MICU2: variants seen among roughly 807,000 people sequenced by gnomAD.
The protein encoded by MICU2 is calcium uptake protein 2, mitochondrial.
In MICU2, 64 loss-of-function variants were observed where a neutral mutation model predicts 60.4. That is an observed-to-expected ratio of 1.06 (90% CI 0.87 to 1.31). The LOEUF is 1.31. Ranked by LOEUF, MICU2 falls within the 50% of genes most tolerant of loss-of-function variation. MICU2 has a pLI of 0.00. For synonymous variants in MICU2, 201 were observed against 175.0 expected (o/e 1.15, Z -1.17); for missense variants, 569 against 531.0 (o/e 1.07, Z -0.70).
chr13:21,597,344 T>C (rs974662797), intron 1 of MICU2, among the ~76,000 whole-genome samples: 14 of 152,240 alleles, frequency 9.2e-5, no homozygotes, highest in African/African-American at 2.9e-4. Flanking sequence ...TGGGATGACA[T>C]GTCTCTATGG....
chr13:21,496,147 T>C lies in MICU2; in HGVS notation c.947A>G (p.Asp316Gly). 1 of 1,612,700 alleles carries C rather than the reference T, an allele frequency of 6.2e-7. No homozygotes were observed. The change falls in exon 10 of 12, where the codon GAT becomes GGT. Residue 316 changes from aspartate to glycine, a missense_variant. Coordinates refer to ENST00000382374, the MANE Select transcript of MICU2 (RefSeq NM_152726.3). ...KLSAGESISL[D>G]EFKSFCHFTT... Reference sequence around the variant, plus strand: ...AAAATGGCAAAATGACTTGAATTCATCCAAACTAATGCTCTAATAAAGTAA... The same window carrying C: ...AAAATGGCAAAATGACTTGAATTCACCCAAACTAATGCTCTAATAAAGTAA...
chr13:21,546,787 A>C, intron 2 of MICU2, among the ~76,000 whole-genome samples: 1 of 152,194 alleles, frequency 6.6e-6, no homozygotes, highest in Non-Finnish European at 1.5e-5. Context: ...AGCATGATAC[A>C]TCTGAGATTG....
intron 11 of MICU2, among the ~76,000 whole-genome samples, chr13:21,494,606 G>T (rs1885944019): frequency 6.6e-6 from 1 of 152,184 alleles, no homozygotes; most frequent in Non-Finnish European, 1.5e-5. Flanking sequence ...GGCTTTGCAA[G>T]ATTAAGCAGT....
intron 8 of MICU2, among the ~76,000 whole-genome samples, chr13:21,508,944 T>C (rs1886361063): frequency 6.6e-6 from 1 of 152,216 alleles, no homozygotes; most frequent in African/African-American, 2.4e-5. Flanking sequence ...TGTATTTAAA[T>C]GTTTTTCTGC....
At chr13:21,579,861 T>C (rs1357774511) in intron 1 of MICU2, among the ~76,000 whole-genome samples, 1 of 152,200 alleles carries the variant, frequency 6.6e-6, no homozygotes, top group African/African-American at 2.4e-5. Context: ...GAGGATACTT[T>C]TAACAGTGAA....
At chr13:21,597,482 T>G (rs774585871) in intron 1 of MICU2, among the ~76,000 whole-genome samples, 1 of 152,214 alleles carries the variant, frequency 6.6e-6, no homozygotes, top group Non-Finnish European at 1.5e-5. Flanking sequence ...GGTCACTTTG[T>G]TATTTAATGC....
At chr13:21,590,040 T>C (rs1472928155) in intron 1 of MICU2, among the ~76,000 whole-genome samples, 34 of 152,194 alleles carry the variant, frequency 2.2e-4, no homozygotes, top group Non-Finnish European at 5.9e-5. Context: ...CAAAACTTTA[T>C]ATATAACACT....
chr13:21,566,878 A>G lies in MICU2; in HGVS notation c.277T>C (p.Phe93Leu). 6.2e-7 allele frequency: 1 copy of G among 1,613,338 alleles called. No individual in the cohort carries two copies. Among genetic ancestry groups the G allele is most frequent in the Non-Finnish European group, 8.5e-7 (1 of 1,179,676 alleles). Residue 93 changes from phenylalanine to leucine, a missense_variant, in exon 2 of 12, where the codon TTT becomes CTT. Physicochemically the swap from Phe to Leu is conservative, Grantham distance 22 (BLOSUM62 0). Coordinates refer to ENST00000382374, the MANE Select transcript of MICU2 (RefSeq NM_152726.3). ...PSLRKQRFMQ[F>L]SSLEHEGEYY... ...TCTCCTTCATGTTCGAGTGAAGAAAACTGCATGAAGCGCTGCTTACGAAGA... is the reference window on the plus strand; with the variant it reads ...TCTCCTTCATGTTCGAGTGAAGAAAGCTGCATGAAGCGCTGCTTACGAAGA...
chr13:21,517,811 GCGCA>G (rs1448803054), intron 6 of MICU2, among the ~76,000 whole-genome samples: 5 of 139,100 alleles, frequency 3.6e-5, no homozygotes, highest in Non-Finnish European at 3.2e-5. Context: ...GCGCGCGCGC[GCGCA>G]CACGCGCTAC....
At chr13:21,530,318 C>A (rs1481228668) in intron 4 of MICU2, among the ~76,000 whole-genome samples, 1 of 152,180 alleles carries the variant, frequency 6.6e-6, no homozygotes, top group Non-Finnish European at 1.5e-5. Flanking sequence ...CCTTCCCTCA[C>A]CCCTTCCCCT....
At chr13:21,546,458 T>C (rs557690774) in intron 2 of MICU2, among the ~76,000 whole-genome samples, 14 of 152,144 alleles carry the variant, frequency 9.2e-5, no homozygotes, top group Non-Finnish European at 1.9e-4. Flanking sequence ...TCTCCAAATA[T>C]GAGCTGCTTA....
chr13:21,531,620 T>C (rs772028380), intron 4 of MICU2, among the ~76,000 whole-genome samples: 2 of 152,152 alleles, frequency 1.3e-5, no homozygotes, highest in African/African-American at 2.4e-5. Flanking sequence ...AACTCTTCCT[T>C]CAGTAGTACA....
chr13:21,594,888 A>C (rs1050371808), intron 1 of MICU2, among the ~76,000 whole-genome samples: 2 of 151,958 alleles, frequency 1.3e-5, no homozygotes, highest in Non-Finnish European at 2.9e-5. Context: ...GGGGGTGGGG[A>C]TTGAGGGGAG....
intron 1 of MICU2, among the ~76,000 whole-genome samples, chr13:21,572,952 AAT>A (rs1491339119): frequency 1.3e-5 from 2 of 151,872 alleles, no homozygotes; most frequent in African/African-American, 4.8e-5. Context: ...ACAAAAAAAA[AAT>A]GTTTTCCTGC....
chr13:21,509,701 C>T (rs971523825), intron 8 of MICU2, among the ~76,000 whole-genome samples: 4 of 152,206 alleles, frequency 2.6e-5, no homozygotes, highest in African/African-American at 9.6e-5. Context: ...TTTGTTTCGC[C>T]TAAAGAACAA....
At chr13:21,601,390 T>C (rs548981912) in intron 1 of MICU2, among the ~76,000 whole-genome samples, 7 of 152,310 alleles carry the variant, frequency 4.6e-5, no homozygotes, top group African/African-American at 1.7e-4. Context: ...TCCACCGTGG[T>C]GGCAAAAGGA....
intron 9 of MICU2, among the ~76,000 whole-genome samples, chr13:21,501,906 T>C (rs972552348): frequency 1.3e-5 from 2 of 152,158 alleles, no homozygotes; most frequent in Admixed American, 6.5e-5. Context: ...CAGAGACTCC[T>C]ATCAGCCCAC....
intron 1 of MICU2, among the ~76,000 whole-genome samples, chr13:21,574,097 G>C (rs1205182350): frequency 6.6e-6 from 1 of 152,246 alleles, no homozygotes; most frequent in African/African-American, 2.4e-5. Context: ...TGGTCAGGAA[G>C]AGAGGAAGGG....
intron 10 of MICU2, chr13:21,495,557 A>G (rs533965095): frequency 2.5e-5 from 10 of 393,528 alleles, no homozygotes; most frequent in South Asian, 1.2e-4. Context: ...CATATATTTG[A>G]GATGAATCTT....
Sources: gnomAD v4.1 joint callset for allele counts (sites outside exome capture counted in the v4.1 genomes callset) on GRCh38, gnomAD v4.1.1 for gene constraint, MANE v1.5 for transcripts, NCBI Gene and HGNC (gene_info 2026-07-23, HGNC 2026-07-21) for gene names.